Variants in XPNPEP1 observed in about 807,000 individuals in gnomAD.
XPNPEP1 encodes the protein xaa-Pro aminopeptidase 1.
A neutral mutation model predicts 92.4 loss-of-function variants in XPNPEP1; 39 were observed. The observed-to-expected ratio is 0.42, with a 90% CI of 0.33 to 0.55. XPNPEP1 has a LOEUF of 0.55. XPNPEP1 is among the 20% of genes least tolerant of loss of function. The pLI is 0.08. For synonymous variants in XPNPEP1, 307 were observed against 299.4 expected (o/e 1.03, Z -0.26); for missense variants, 654 against 856.1 (o/e 0.76, Z 2.95).
chr10:109,890,623 AG>A (rs1160267481), intron 5 of XPNPEP1, among the ~76,000 whole-genome samples: 46 of 115,736 alleles, frequency 4.0e-4, no homozygotes, highest in African/African-American at 1.5e-3. Context: ...AGAGAGAGAG[AG>A]AAAGGGAAAG....
In XPNPEP1 at chr10:109,888,601, G is replaced by A. The variant is rs1848533683; in HGVS notation, c.416-6C>T. ...AGTTGGTGTGTCCTTCAGACCTACA[G>A]GGGGAAGAAATGATAAGAAACAATT... On this transcript the variant is annotated splice_region_variant and splice_polypyrimidine_tract_variant and intron_variant, in intron 5 of 20. Coordinates refer to ENST00000502935, the MANE Select transcript of XPNPEP1 (RefSeq NM_020383.4). 1 of 1,592,900 alleles carries A rather than the reference G, an allele frequency of 6.3e-7. No homozygotes were observed. The highest frequency in any genetic ancestry group is 1.7e-5 in the Admixed American group (1 of 57,662).
chr10:109,910,252 A>G (rs767134440), intron 2 of XPNPEP1, among the ~76,000 whole-genome samples: 9 of 152,202 alleles, frequency 5.9e-5, no homozygotes, highest in South Asian at 4.1e-4. Context: ...TCACTTAAGA[A>G]TATGCATTTA....
intron 1 of XPNPEP1, among the ~76,000 whole-genome samples, chr10:109,920,357 A>G (rs1208803915): frequency 6.6e-6 from 1 of 152,236 alleles, no homozygotes; most frequent in Non-Finnish European, 1.5e-5. Context: ...TTAACAGATG[A>G]ATTGTATATA....
At chr10:109,872,969 T>C (rs1240709434) in intron 16 of XPNPEP1, among the ~76,000 whole-genome samples, 1 of 152,156 alleles carries the variant, frequency 6.6e-6, no homozygotes, top group Non-Finnish European at 1.5e-5. Flanking sequence ...TTTCAGAAAG[T>C]TTCCAGAGAG....
chr10:109,893,746 G>A (rs1848826938), intron 3 of XPNPEP1, among the ~76,000 whole-genome samples: 1 of 152,172 alleles, frequency 6.6e-6, no homozygotes, highest in Non-Finnish European at 1.5e-5. Context: ...GTGGGCAAAG[G>A]GTACAAGTCA....
At chr10:109,910,708 A>G (rs1849821570) in intron 2 of XPNPEP1, among the ~76,000 whole-genome samples, 2 of 152,188 alleles carry the variant, frequency 1.3e-5, no homozygotes, top group East Asian at 1.9e-4. Flanking sequence ...GGTTCTGGTA[A>G]TCATGAATAA....
At chr10:109,882,133 T>C (rs1156723001) in intron 10 of XPNPEP1, among the ~76,000 whole-genome samples, 1 of 152,244 alleles carries the variant, frequency 6.6e-6, no homozygotes, top group African/African-American at 2.4e-5. Flanking sequence ...GAACTCATGC[T>C]AGTTATGTTT....
chr10:109,892,335 C>T (rs565116717), intron 4 of XPNPEP1, among the ~76,000 whole-genome samples: 1 of 152,324 alleles, frequency 6.6e-6, no homozygotes, highest in East Asian at 1.9e-4. Flanking sequence ...TCCGTTCCCA[C>T]AGGCCTGGCA....
chr10:109,910,933 C>T (rs1279352395), intron 2 of XPNPEP1, among the ~76,000 whole-genome samples: 1 of 152,258 alleles, frequency 6.6e-6, no homozygotes, highest in African/African-American at 2.4e-5. Context: ...CTTGCTGTAG[C>T]TTAAACCCTG....
At chr10:109,869,852 T>C (rs549957258) in intron 19 of XPNPEP1, 101 bp downstream of exon 19, 1 of 1,240,456 alleles carries the variant, frequency 8.1e-7, no homozygotes, top group Non-Finnish European at 1.1e-6. Flanking sequence ...AACAGGAAAA[T>C]TTTTAAGCTT....
In XPNPEP1 at chr10:109,882,600, C is replaced by T; in HGVS notation, c.873G>A (p.Lys291=). 1 of 1,614,142 alleles carries T rather than the reference C, an allele frequency of 6.2e-7. No individual in the cohort carries two copies. Among genetic ancestry groups the T allele is most frequent in the Admixed American group, 1.7e-5 (1 of 60,020 alleles). ...GACCCAAGTCAAGAAGCAGGTGCTC[C>T]TTCACACTGGGGGCGTCTATGCGGT... The part of the protein sequence containing the change: ...DGDRIDAPSV[K]EHLLLDLGLE... The change falls in exon 10 of 21, where the codon AAG becomes AAA. Residue 291 remains lysine (K), a synonymous_variant. Transcript: ENST00000502935.
chr10:109,919,169 T>C (rs1359842280), intron 1 of XPNPEP1, among the ~76,000 whole-genome samples: 1 of 152,214 alleles, frequency 6.6e-6, no homozygotes, highest in Middle Eastern at 3.2e-3. Flanking sequence ...AAAATGTTTG[T>C]GTTTCAAAGG....
intron 19 of XPNPEP1, among the ~76,000 whole-genome samples, 181 bp from the exon 20 acceptor site, chr10:109,868,893 C>G (rs1236174505): frequency 6.6e-6 from 1 of 152,178 alleles, no homozygotes; most frequent in African/African-American, 2.4e-5. Context: ...CCAAGAGCTC[C>G]TCCACTGGGC....
At position 109,923,220 on chromosome 10, in the gene XPNPEP1, C is replaced by G. The variant is rs547786303; in HGVS notation, c.32+182G>C. The G allele has an allele frequency of 3.0e-6, 3 of 985,250 alleles. No homozygotes were observed. The Admixed American group carries it at 1.8e-4, about 61-fold the overall frequency. The allele number at this position is 985,250 out of a possible 1,614,324, so 61.0% of individuals were successfully genotyped here. ...CTCCGGAAACGAACCGGATCTCGCC[C>G]GGCCTCATGGACCCCTTCCCCCGGC... is the stretch of plus-strand genomic sequence containing the variant. On this transcript the variant is annotated intron_variant, in intron 1 of 20. Coordinates refer to ENST00000502935, the MANE Select transcript of XPNPEP1 (RefSeq NM_020383.4).
intron 19 of XPNPEP1, 124 bp from the exon 20 acceptor site, chr10:109,868,836 G>C: frequency 1.1e-5 from 9 of 826,948 alleles, no homozygotes; most frequent in Non-Finnish European, 1.2e-5. Flanking sequence ...GAAGTGGTGA[G>C]CTGGTCACCA....
In XPNPEP1 at chr10:109,877,877, A is replaced by C. The variant is rs2273740; in HGVS notation, c.1242-10T>G. 0.18 allele frequency: 292,115 copies of C among 1,613,996 alleles called. 31,642 individuals carry two copies. The highest frequency in any genetic ancestry group is 0.43 in the South Asian group (38,712 of 91,078). On this transcript the variant is annotated splice_polypyrimidine_tract_variant and intron_variant, in intron 13 of 20. Coordinates refer to ENST00000502935, the MANE Select transcript of XPNPEP1 (RefSeq NM_020383.4). ...AAAGTCTGCCTGTTGCCTGTAACAG[A>C]AAGACAGAAAGCAGAGTGGCTTAAA...
intron 3 of XPNPEP1, among the ~76,000 whole-genome samples, chr10:109,898,617 G>A (rs1849110428): frequency 6.6e-6 from 1 of 152,248 alleles, no homozygotes. Flanking sequence ...GGCCTGTCAT[G>A]AGGCGACACC....
In XPNPEP1 at chr10:109,891,907, G is replaced by A. The variant is rs186769446; in HGVS notation, c.311-81C>T. 7.5e-5 allele frequency: 105 copies of A among 1,408,020 alleles called. 1 individual carries two copies. In the Admixed American group the frequency reaches 2.0e-3, roughly 27 times the overall value. The allele number at this position is 1,408,020 out of a possible 1,614,324, so 87.2% of individuals were successfully genotyped here. A position where few individuals can be genotyped will look rare whatever the true frequency, so the allele number is the denominator to read the frequency against. ...AGCTGCACAAAATGACAGTAGACAG[G>A]CAAGAGCAGTAAGAGGCATCAGCTC... On this transcript the variant is annotated intron_variant, in intron 4 of 20. Transcript: ENST00000502935.
In XPNPEP1 at chr10:109,891,800, C is replaced by T; in HGVS notation, c.337G>A (p.Ala113Thr). The T allele has an allele frequency of 6.2e-7, 1 of 1,608,056 alleles. No individual in the cohort carries two copies. Among genetic ancestry groups the T allele is most frequent in the East Asian group, 2.2e-5 (1 of 44,794 alleles). Reference sequence around the variant, plus strand: ...TAGCGCCCGTCAGTCCACATGGCTGCATGCTCTTCTGTGATGATGGCTGTG... The same window carrying T: ...TAGCGCCCGTCAGTCCACATGGCTGTATGCTCTTCTGTGATGATGGCTGTG... The part of the protein sequence containing the change: ...AGTAIITEEH[A>T]AMWTDGRYFL... Residue 113 changes from alanine to threonine, a missense_variant, in exon 5 of 21, where the codon GCA (alanine) becomes ACA (threonine). Ala to Thr is a moderately conservative substitution (Grantham distance 58). Transcript: ENST00000502935.
Sources: gnomAD v4.1 joint callset for allele counts (sites outside exome capture counted in the v4.1 genomes callset) on GRCh38, gnomAD v4.1.1 for gene constraint, MANE v1.5 for transcripts, NCBI Gene and HGNC (gene_info 2026-07-23, HGNC 2026-07-21) for gene names.